The following PNPLA1 variants were observed in gnomAD, a reference collection of about 807,000 sequenced individuals.
PNPLA1 encodes the protein patatin like domain 1, omega-hydroxyceramide transacylase.
A neutral mutation model predicts 51.7 loss-of-function variants in PNPLA1; 36 were observed. That is an observed-to-expected ratio of 0.70 (90% CI 0.53 to 0.92). The LOEUF is 0.92. Among genes scored for constraint, PNPLA1 ranks in the 40% least tolerant of loss-of-function variants. The pLI is 0.00. For synonymous variants in PNPLA1, 293 were observed against 280.1 expected (o/e 1.05, Z -0.46); for missense variants, 658 against 682.5 (o/e 0.96, Z 0.40).
intron 1 of PNPLA1, 139 bp from the exon 2 acceptor site, chr6:36,291,180 TG>T: frequency 1.5e-6 from 1 of 658,320 alleles, no homozygotes; most frequent in Non-Finnish European, 2.6e-6. Flanking sequence ...GGCCGATTCC[TG>T]GGGTTTTCCC....
intron 8 of PNPLA1, among the ~76,000 whole-genome samples, chr6:36,310,910 C>T (rs1043837804): frequency 6.6e-6 from 1 of 152,216 alleles, no homozygotes; most frequent in Non-Finnish European, 1.5e-5. Flanking sequence ...TGGAAGCATC[C>T]TGTGTAATTC....
chr6:36,299,026 C>T (rs1009266992), intron 5 of PNPLA1, among the ~76,000 whole-genome samples: 5 of 151,884 alleles, frequency 3.3e-5, no homozygotes, highest in African/African-American at 4.8e-5. Context: ...GGTGAGCCAC[C>T]GCGCCTGGCC....
chr6:36,291,569 G>A lies in PNPLA1; in HGVS notation c.438+17G>A. The A allele has an allele frequency of 8.4e-7, 1 of 1,192,222 alleles. No homozygotes were observed. Among genetic ancestry groups the A allele is most frequent in the Non-Finnish European group, 1.2e-6 (1 of 827,324 alleles). 73.9% of individuals were successfully genotyped at this position (1,192,222 alleles called of 1,614,324 possible). On this transcript the variant is annotated intron_variant, in intron 2 of 8. Transcript: ENST00000636260. ...CTCATTGAGGCAAGGGGGCTGGGCT[G>A]GGAGGGAGGGACACGGAGGGGGCGG...
chr6:36,275,250 A>T (rs1249474909), intron 1 of PNPLA1, among the ~76,000 whole-genome samples: 2 of 151,828 alleles, frequency 1.3e-5, no homozygotes, highest in Admixed American at 6.6e-5. Flanking sequence ...GGCTAATTTT[A>T]AAAATTTTTT....
At chr6:36,245,565 T>A (rs1384778031) in intron 1 of PNPLA1, among the ~76,000 whole-genome samples, 2 of 152,246 alleles carry the variant, frequency 1.3e-5, no homozygotes, top group Admixed American at 6.5e-5. Flanking sequence ...GCTATCAGGA[T>A]GCTGGTCCTG....
Position 36,289,874 on chromosome 6 carries a change from C to T in PNPLA1, c.206-1446C>T, listed in dbSNP as rs112957243. 5.4e-3 allele frequency among the ~76,000 whole-genome samples: 822 copies of T among 152,234 alleles called. 8 individuals are homozygous for T. Among genetic ancestry groups the T allele is most frequent in the African/African-American group, 0.018 (750 of 41,508 alleles). On this transcript the variant is annotated intron_variant, in intron 1 of 8. Coordinates refer to ENST00000636260, the MANE Select transcript of PNPLA1 (RefSeq NM_001374623.1). ...TAAAACACAGGAGGAGTAGGGCATC[C>T]TTAGTTTTGGCTTGTCCCCAGATTG...
At chr6:36,248,038 GT>G (rs1368563868) in intron 1 of PNPLA1, among the ~76,000 whole-genome samples, 1 of 152,122 alleles carries the variant, frequency 6.6e-6, no homozygotes, top group East Asian at 1.9e-4. Context: ...TCTGCCTCCA[GT>G]CCCGGGCTCA....
At chr6:36,291,116 G>A (rs757793564) in intron 1 of PNPLA1, among the ~76,000 whole-genome samples, 7 of 152,196 alleles carry the variant, frequency 4.6e-5, no homozygotes, top group East Asian at 1.9e-4. Flanking sequence ...TGGGCTCTCC[G>A]GAGCCAGCGA....
chr6:36,299,324 T>A (rs866238466), intron 5 of PNPLA1, among the ~76,000 whole-genome samples: 1 of 81,756 alleles, frequency 1.2e-5, no homozygotes, highest in East Asian at 3.2e-4. Context: ...GTTTTTTTTG[T>A]TTTTTTGTCT....
In PNPLA1 at chr6:36,270,609, G is replaced by T; in HGVS notation, c.150G>T (p.Ala50=). 4 of 1,551,630 alleles carry T rather than the reference G, an allele frequency of 2.6e-6. No homozygotes were observed. The highest frequency in any genetic ancestry group is 3.5e-6 in the Non-Finnish European group (4 of 1,147,004). ...PRMLETAHRF[A]GTSAGAVIAA... ...TGCTGGAAACAGCCCACCGCTTTGC[G>T]GGGACATCGGCAGGTGCTGTGATCG... The change falls in exon 1 of 9, where the codon GCG becomes GCT. Residue 50 remains alanine (A), a synonymous_variant. Coordinates refer to ENST00000636260, the MANE Select transcript of PNPLA1 (RefSeq NM_001374623.1).
chr6:36,312,196 G>T lies in PNPLA1; in HGVS notation c.*310G>T, dbSNP rs1771421960. ...TGCGAATCGCCTACCCCTTTTATAT[G>T]GCACTGTACCCTTGTATAGTGTAAA... On this transcript the variant is annotated 3_prime_UTR_variant, in exon 9 of 9. Coordinates refer to ENST00000636260, the MANE Select transcript of PNPLA1 (RefSeq NM_001374623.1). The T allele has an allele frequency of 6.6e-6, 1 of 152,052 alleles. No homozygotes were observed. The highest frequency in any genetic ancestry group is 2.4e-5 in the African/African-American group (1 of 41,356). The allele number at this position is 152,052 out of a possible 1,614,324, so 9.4% of individuals were successfully genotyped here. A position where few individuals can be genotyped will look rare whatever the true frequency, so the allele number is the denominator to read the frequency against.
At chr6:36,262,116 G>T (rs948613118) in intron 1 of PNPLA1, among the ~76,000 whole-genome samples, 1 of 152,204 alleles carries the variant, frequency 6.6e-6, no homozygotes, top group African/African-American at 2.4e-5. Flanking sequence ...GCAGTGCAAG[G>T]AGACTGAGAG....
intron 5 of PNPLA1, among the ~76,000 whole-genome samples, chr6:36,297,483 G>T (rs1285223370): frequency 6.6e-6 from 1 of 152,038 alleles, no homozygotes; most frequent in Non-Finnish European, 1.5e-5. Flanking sequence ...TCTGGGTAGG[G>T]GTCACCTCCA....
intron 1 of PNPLA1, among the ~76,000 whole-genome samples, chr6:36,271,072 A>T (rs1448459800): frequency 1.3e-5 from 2 of 152,162 alleles, no homozygotes; most frequent in African/African-American, 4.8e-5. Flanking sequence ...TACCCTTGGG[A>T]GAGGCAACTC....
rs780230188 is a variant in PNPLA1, at chr6:36,312,459, C to A, written c.*573C>A. Among the ~76,000 whole-genome samples, 1 of 152,202 alleles carries A rather than the reference C, an allele frequency of 6.6e-6. No individual in the cohort carries two copies. Among genetic ancestry groups the A allele is most frequent in the Non-Finnish European group, 1.5e-5 (1 of 68,040 alleles). ...TTTCCATGCATTGGCTATAACAGGC[C>A]TGGCTACCTGCTGAGGGTTGCCCAA... On this transcript the variant is annotated 3_prime_UTR_variant, in exon 9 of 9. Coordinates refer to ENST00000636260, the MANE Select transcript of PNPLA1 (RefSeq NM_001374623.1).
Position 36,270,612 on chromosome 6 carries a change from G to A in PNPLA1, c.153G>A (p.Gly51=), listed in dbSNP as rs2127324295. Residue 51 remains glycine, a synonymous_variant, in exon 1 of 9, where the codon GGG becomes GGA. Coordinates refer to ENST00000636260, the MANE Select transcript of PNPLA1 (RefSeq NM_001374623.1). ...RMLETAHRFA[G]TSAGAVIAAL... The stretch of plus-strand genomic sequence containing the variant: ...TGGAAACAGCCCACCGCTTTGCGGG[G>A]ACATCGGCAGGTGCTGTGATCGCCG... 1.3e-6 allele frequency: 2 copies of A among 1,551,622 alleles called. No homozygotes were observed. Among genetic ancestry groups the A allele is most frequent in the East Asian group, 2.4e-5 (1 of 40,926 alleles).
At position 36,291,330 on chromosome 6, in the gene PNPLA1, C is replaced by G; in HGVS notation, c.216C>G (p.Leu72=). 1 of 1,613,948 alleles carries G rather than the reference C, an allele frequency of 6.2e-7. No homozygotes were observed. Among genetic ancestry groups the G allele is most frequent in the Admixed American group, 1.7e-5 (1 of 60,012 alleles). ...AICGIEMDEY[L]RVLNVGVAEV... The stretch of plus-strand genomic sequence containing the variant: ...CTGCTTCCTTTGCAGATGAGTATCT[C>G]AGAGTCCTCAACGTGGGTGTGGCCG... The change falls in exon 2 of 9, where the codon CTC becomes CTG. Residue 72 remains leucine, a synonymous_variant. Transcript: ENST00000636260.
At chr6:36,252,909 G>A (rs946532273) in intron 1 of PNPLA1, among the ~76,000 whole-genome samples, 4 of 152,256 alleles carry the variant, frequency 2.6e-5, no homozygotes, top group African/African-American at 9.6e-5. Flanking sequence ...GGCCGGGCGT[G>A]GTGGCTCACG....
At chr6:36,286,873 CA>C (rs536851356) in intron 1 of PNPLA1, among the ~76,000 whole-genome samples, 57 of 150,422 alleles carry the variant, frequency 3.8e-4, no homozygotes, top group Non-Finnish European at 6.9e-4. Flanking sequence ...TTTGTAGAGA[CA>C]GGGGTCTTGC....
Sources: gnomAD v4.1 joint callset for allele counts (sites outside exome capture counted in the v4.1 genomes callset) on GRCh38, gnomAD v4.1.1 for gene constraint, MANE v1.5 for transcripts, NCBI Gene and HGNC (gene_info 2026-07-23, HGNC 2026-07-21) for gene names.